The following STOX1 variants were observed in gnomAD, a reference collection of about 807,000 sequenced individuals.
The protein encoded by STOX1 is storkhead-box protein 1.
Under a neutral mutation model 74.8 loss-of-function variants are expected in STOX1, and 57 were observed. The observed-to-expected ratio is 0.76, with a 90% CI of 0.62 to 0.95. The LOEUF (loss-of-function observed/expected upper bound fraction) is 0.95, where lower values mean the gene tolerates loss of function less well. Among genes scored for constraint, STOX1 ranks in the 40% least tolerant of loss-of-function variants. STOX1 has a pLI of 0.00. For missense variants in STOX1, 1,010 were observed against 1,117.0 expected, an observed-to-expected ratio of 0.90 and a Z score of 1.37; for synonymous variants, 375 against 401.3, an observed-to-expected ratio of 0.93 and a Z score of 0.78.
chr10:68,867,451 A>C (rs1840437615), intron 1 of STOX1, among the ~76,000 whole-genome samples: 1 of 152,146 alleles, frequency 6.6e-6, no homozygotes, highest in Non-Finnish European at 1.5e-5. Flanking sequence ...CCTGAATAGA[A>C]CTGAGGGTGG....
At chr10:68,856,607 G>A (rs577124666) in intron 1 of STOX1, among the ~76,000 whole-genome samples, 1 of 152,154 alleles carries the variant, frequency 6.6e-6, no homozygotes, top group East Asian at 1.9e-4. Context: ...AGATCAGCTG[G>A]GGTAGGAAGG....
rs1489027342 is a variant in STOX1 at position 68,852,448 on chromosome 10, C to T, written c.310+24515C>T. 6.6e-5 allele frequency among the ~76,000 whole-genome samples: 10 copies of T among 151,522 alleles called. No homozygotes were observed. The East Asian group carries it at 1.2e-3, about 18-fold the overall frequency. On this transcript the variant is annotated intron_variant, in intron 1 of 3. Coordinates refer to ENST00000298596, the MANE Select transcript of STOX1 (RefSeq NM_152709.5). ...TAATTTTTTGTATTTTTAGTAGAGA[C>T]GGGGTTTCACCTTGTTAGCCAGGAT...
At chr10:68,871,861 A>AG (rs1214694096) in intron 1 of STOX1, among the ~76,000 whole-genome samples, 2 of 152,200 alleles carry the variant, frequency 1.3e-5, no homozygotes, top group African/African-American at 4.8e-5. Flanking sequence ...ATCTTTAATG[A>AG]GGGGCATGTT....
chr10:68,884,730 G>T lies in STOX1; in HGVS notation c.934G>T (p.Gly312Cys). Reference protein sequence around the residue: ...TRDKEKGKKFGFSLLWRSLSR... With the variant: ...TRDKEKGKKFCFSLLWRSLSR... ...AGATAAAGAAAAAGGCAAGAAGTTT[G>T]GTTTTAGTCTCTTATGGCGCAGCTT... The change falls in exon 3 of 4, where the codon GGT (glycine) becomes TGT (cysteine). Residue 312 changes from glycine to cysteine, a missense_variant. Gly to Cys is a radical substitution (Grantham distance 159). Transcript: ENST00000298596. The T allele has an allele frequency of 3.7e-6, 6 of 1,614,114 alleles. No individual in the cohort carries two copies. The highest frequency in any genetic ancestry group is 5.1e-6 in the Non-Finnish European group (6 of 1,180,030).
intron 1 of STOX1, among the ~76,000 whole-genome samples, chr10:68,870,345 A>G (rs1044885163): frequency 2.0e-5 from 3 of 152,086 alleles, no homozygotes; most frequent in African/African-American, 7.2e-5. Flanking sequence ...CAAAAAAAGG[A>G]TGTTCTCCTG....
chr10:68,878,953 C>A (rs1840744971), intron 1 of STOX1, among the ~76,000 whole-genome samples: 1 of 152,190 alleles, frequency 6.6e-6, no homozygotes, highest in African/African-American at 2.4e-5. Context: ...AACACCCTAA[C>A]CCTCTACCAG....
chr10:68,850,791 G>A (rs1041235716), intron 1 of STOX1, among the ~76,000 whole-genome samples: 1 of 152,114 alleles, frequency 6.6e-6, no homozygotes, highest in African/African-American at 2.4e-5. Context: ...GGGCAACTTG[G>A]TGAAATCCTG....
chr10:68,837,655 A>G lies in STOX1; in HGVS notation c.310+9722A>G, dbSNP rs548523104. 2.0e-5 allele frequency among the ~76,000 whole-genome samples: 3 copies of G among 152,348 alleles called. No homozygotes were observed. The South Asian group carries it at 6.2e-4, about 32-fold the overall frequency. ...CCCCCATGGGCCTACGGGAGTGCCC[A>G]TGGTGCTTGTTCAGTGGCAGATCTG... On this transcript the variant is annotated intron_variant, in intron 1 of 3. Transcript: ENST00000298596.
chr10:68,827,689 G>A lies in STOX1; in HGVS notation c.66G>A (p.Gln22=), dbSNP rs1839293366. Residue 22 remains glutamine (Q), a synonymous_variant, in exon 1 of 4, where the codon CAG becomes CAA. Transcript: ENST00000298596. The part of the protein sequence containing the change: ...LALVLCRLEA[Q]KAAGAAEEPG... Reference sequence around the variant, plus strand: ...TAGTGCTGTGCCGGCTGGAGGCGCAGAAGGCGGCGGGGGCCGCGGAGGAGC... The same window carrying A: ...TAGTGCTGTGCCGGCTGGAGGCGCAAAAGGCGGCGGGGGCCGCGGAGGAGC... 4.0e-6 allele frequency: 4 copies of A among 998,606 alleles called. No individual in the cohort carries two copies. Among genetic ancestry groups the A allele is most frequent in the African/African-American group, 1.7e-5 (1 of 57,302 alleles). The allele number at this position is 998,606 out of a possible 1,614,324, so 61.9% of individuals were successfully genotyped here.
At position 68,885,518 on chromosome 10, in the gene STOX1, C is replaced by T. The variant is rs1265861415; in HGVS notation, c.1722C>T (p.Ile574=). Residue 574 remains isoleucine (I), a synonymous_variant, in exon 3 of 4, where the codon ATC becomes ATT. Transcript: ENST00000298596. ...IYINDPTVKP[I]NDDFRGHLFS... ...TAAATGACCCTACTGTCAAACCCAT[C>T]AATGATGACTTCAGAGGTCACCTCT... 6.2e-7 allele frequency: 1 copy of T among 1,614,200 alleles called. No individual in the cohort carries two copies. The highest frequency in any genetic ancestry group is 8.5e-7 in the Non-Finnish European group (1 of 1,180,042).
Position 68,832,133 on chromosome 10 carries a change from T to C in STOX1, c.310+4200T>C, listed in dbSNP as rs1284988800. ...AAATGAAAGAGTGAGTTCTGGAAGCTGGAGGGAGACTGCTGCCTAACCAGC... is the reference window on the plus strand; with the variant it reads ...AAATGAAAGAGTGAGTTCTGGAAGCCGGAGGGAGACTGCTGCCTAACCAGC... On this transcript the variant is annotated intron_variant, in intron 1 of 3. Coordinates refer to ENST00000298596, the MANE Select transcript of STOX1 (RefSeq NM_152709.5). Among the ~76,000 whole-genome samples the C allele has an allele frequency of 2.6e-5, 4 of 152,048 alleles. No homozygotes were observed. The East Asian group carries it at 7.7e-4, about 29-fold the overall frequency.
At chr10:68,844,357 G>A (rs565915287) in intron 1 of STOX1, among the ~76,000 whole-genome samples, 1 of 132,852 alleles carries the variant, frequency 7.5e-6, no homozygotes, top group South Asian at 2.4e-4. Context: ...GGAGTGCAAT[G>A]GCGTGATCTT....
chr10:68,887,938 A>G (rs1841003582), intron 3 of STOX1, among the ~76,000 whole-genome samples: 1 of 152,062 alleles, frequency 6.6e-6, no homozygotes, highest in Non-Finnish European at 1.5e-5. Context: ...TGTTGTTTGG[A>G]TTATAAAAAT....
chr10:68,872,161 GA>G (rs759128345), intron 1 of STOX1, among the ~76,000 whole-genome samples: 1 of 152,002 alleles, frequency 6.6e-6, no homozygotes, highest in Non-Finnish European at 1.5e-5. Flanking sequence ...GTAATTAGTT[GA>G]GTTAGAGCAG....
chr10:68,867,339 C>T (rs1413289694), intron 1 of STOX1, among the ~76,000 whole-genome samples: 1 of 152,154 alleles, frequency 6.6e-6, no homozygotes, highest in African/African-American at 2.4e-5. Flanking sequence ...GGAAAAGGCT[C>T]AAATGTAGCC....
At chr10:68,873,758 C>G (rs1424661534) in intron 1 of STOX1, among the ~76,000 whole-genome samples, 2 of 148,100 alleles carry the variant, frequency 1.4e-5, no homozygotes, top group East Asian at 2.0e-4. Flanking sequence ...TCAAGCAATT[C>G]TCCTGCCTCA....
chr10:68,828,327 C>A, intron 1 of STOX1: 1 of 1,116,978 alleles, frequency 9.0e-7, no homozygotes. Context: ...CGCGGAGCTC[C>A]GCGCTGCAGG....
intron 3 of STOX1, among the ~76,000 whole-genome samples, chr10:68,891,827 T>C (rs1194072927): frequency 6.6e-6 from 1 of 151,576 alleles, no homozygotes; most frequent in East Asian, 2.0e-4. Flanking sequence ...AAAAATACTT[T>C]TTTTGTGTGT....
At chr10:68,889,181 A>G (rs945514728) in intron 3 of STOX1, among the ~76,000 whole-genome samples, 1 of 149,834 alleles carries the variant, frequency 6.7e-6, no homozygotes, top group Non-Finnish European at 1.5e-5. Context: ...CAGTGTTACC[A>G]GTCTGGTCTC....
Sources: allele counts gnomAD v4.1 joint callset (sites outside exome capture counted in the v4.1 genomes callset), GRCh38; gene constraint gnomAD v4.1.1; transcripts MANE v1.5; gene names NCBI Gene and HGNC (gene_info 2026-07-23, HGNC 2026-07-21).